Variants in SIPA1 observed in about 807,000 individuals in gnomAD.
SIPA1 encodes signal-induced proliferation-associated protein 1.
Under a neutral mutation model 88.1 loss-of-function variants are expected in SIPA1, and 51 were observed. The observed-to-expected ratio is 0.58, with a 90% confidence interval of 0.46 to 0.73. The LOEUF (loss-of-function observed/expected upper bound fraction) is 0.73. Among genes scored for constraint, SIPA1 ranks in the 30% least tolerant of loss-of-function variants. The pLI, the probability that SIPA1 is intolerant of heterozygous loss-of-function variation, is 0.00. For synonymous variants in SIPA1, 681 were observed against 664.8 expected, an observed-to-expected ratio of 1.02 and a Z score of -0.37; for missense variants, 1,348 against 1,467.6, an observed-to-expected ratio of 0.92 and a Z score of 1.33.
rs765093518 is a variant in SIPA1 at position 65,641,050 on chromosome 11, G to A, written c.129G>A (p.Pro43=). The A allele has an allele frequency of 1.9e-5, 31 of 1,595,936 alleles. No homozygotes were observed. The highest frequency in any genetic ancestry group is 3.4e-4 in the Middle Eastern group (2 of 5,932). ...CGCTGACACCGCACACCTTCGAGCC[G>A]AGGCCAGTCCGGGGCCCACTCCTGC... is the stretch of plus-strand genomic sequence containing the variant. The part of the protein sequence containing the change: ...RPPLTPHTFE[P]RPVRGPLLRS... Residue 43 remains proline, a synonymous_variant, in exon 2 of 16, where the codon CCG becomes CCA. Coordinates refer to ENST00000534313, the MANE Select transcript of SIPA1 (RefSeq NM_006747.4).
rs1455329373 is a variant in SIPA1 at position 65,650,689 on chromosome 11, G to C, written c.3103G>C (p.Gly1035Arg). ...TRLLLASKQL[G>R]SPTADLA ...CCTCCTCCTGGCCTCCAAGCAGCTG[G>C]GCTCACCCACCGCCGACCTGGCCTG... Residue 1035 changes from glycine to arginine, a missense_variant, in exon 16 of 16, where the codon GGC becomes CGC. By Grantham distance (125) the Gly-to-Arg change is moderately radical. Coordinates refer to ENST00000534313, the MANE Select transcript of SIPA1 (RefSeq NM_006747.4). The C allele has an allele frequency of 6.3e-7, 1 of 1,581,114 alleles. No individual in the cohort carries two copies. The highest frequency in any genetic ancestry group is 8.6e-7 in the Non-Finnish European group (1 of 1,163,648).
intron 4 of SIPA1, among the ~76,000 whole-genome samples, chr11:65,643,824 CG>C (rs1394258509): frequency 6.7e-6 from 1 of 148,412 alleles, no homozygotes; most frequent in Non-Finnish European, 1.5e-5. Context: ...TGGGGAGGGG[CG>C]GGGGAGAAGC....
chr11:65,646,689 C>A lies in SIPA1; in HGVS notation c.1655C>A (p.Ala552Asp). 6.5e-7 allele frequency: 1 copy of A among 1,542,230 alleles called. No individual in the cohort carries two copies. Among genetic ancestry groups the A allele is most frequent in the Non-Finnish European group, 8.7e-7 (1 of 1,146,270 alleles). Residue 552 changes from alanine (A) to aspartate (D), a missense_variant, in exon 8 of 16, where the codon GCT (alanine) becomes GAT (aspartate). Coordinates refer to ENST00000534313, the MANE Select transcript of SIPA1 (RefSeq NM_006747.4). This position sits in a 1 kb window ranked among gnomAD's most constrained non-coding sequence, Gnocchi z 7.5. ...NEVTTTSLDS[A>D]SRFGLPSLGG... ...GTGACCACTACGTCGCTGGACTCGG[C>A]TTCACGCTTCGGCCTGCCCTCCCTG...
rs945778996 is a variant in SIPA1 at position 65,646,069 on chromosome 11, C to T, written c.1263+112C>T. On this transcript the variant is annotated intron_variant, in intron 6 of 15. Transcript: ENST00000534313. This position sits in a 1 kb window ranked among gnomAD's most constrained non-coding sequence, Gnocchi z 7.5. ...CTCTGTTGGCCCCAACAGCCCGCCC[C>T]TCTGGTGGCCCCTTCCCAAAGACAG... The T allele has an allele frequency of 1.6e-6, 2 of 1,258,908 alleles. No homozygotes were observed. Among genetic ancestry groups the T allele is most frequent in the Non-Finnish European group, 2.3e-6 (2 of 888,836 alleles). 78.0% of individuals were successfully genotyped at this position (1,258,908 alleles called of 1,614,324 possible). A position where few individuals can be genotyped will look rare whatever the true frequency, so the allele number is the denominator to read the frequency against.
intron 5 of SIPA1, 126 bp downstream of exon 5, chr11:65,645,255 A>C: frequency 1.0e-6 from 1 of 976,468 alleles, no homozygotes; most frequent in Non-Finnish European, 1.5e-6. Context: ...GGGTGAGCTA[A>C]GGATCTGAGT....
Position 65,649,502 on chromosome 11 carries a change from T to C in SIPA1, c.2525+22T>C, listed in dbSNP as rs527400806. ...GCAGGTGCACACTCTTGGCCTTCCC[T>C]CTCCTCCAGGCCTCTGGGAAAGCGG... On this transcript the variant is annotated intron_variant, in intron 10 of 15. Transcript: ENST00000534313. 1.9e-5 allele frequency: 30 copies of C among 1,613,716 alleles called. No individual in the cohort carries two copies. In the Admixed American group the frequency reaches 5.0e-4, roughly 27 times the overall value.
Position 65,645,951 on chromosome 11 carries a change from G to A in SIPA1, c.1257G>A (p.Gln419=), listed in dbSNP as rs148674408. 1.7e-5 allele frequency: 27 copies of A among 1,610,654 alleles called. No individual in the cohort carries two copies. The African/African-American group carries it at 3.1e-4, about 18-fold the overall frequency. The change falls in exon 6 of 16, where the codon CAG becomes CAA. Residue 419 remains glutamine, a synonymous_variant. Coordinates refer to ENST00000534313, the MANE Select transcript of SIPA1 (RefSeq NM_006747.4). Reference sequence around the variant, plus strand: ...TGCTGCCTTACACCCCTAATAACCAGCAGCAGGTGTGAGGGGGACCAACGT... The same window carrying A: ...TGCTGCCTTACACCCCTAATAACCAACAGCAGGTGTGAGGGGGACCAACGT... ...STMLPYTPNN[Q]QQLLRKRHIG...
chr11:65,641,500 C>G lies in SIPA1; in HGVS notation c.579C>G (p.Ala193=). 6.2e-7 allele frequency: 1 copy of G among 1,612,240 alleles called. No individual in the cohort carries two copies. Residue 193 remains alanine (A), a synonymous_variant, in exon 2 of 16, where the codon GCC becomes GCG. Coordinates refer to ENST00000534313, the MANE Select transcript of SIPA1 (RefSeq NM_006747.4). ...TGCCCCCTGCACTGCCCAACGCGGC[C>G]GTGTCCATCCTGGAGGAGCCACAGA... The part of the protein sequence containing the change: ...PPVPPALPNA[A]VSILEEPQNR...
chr11:65,646,425 C>T lies in SIPA1; in HGVS notation c.1422-31C>T, dbSNP rs1314498458. ...GGTCTCCCGTGGGCATGGAGTCCTG[C>T]CGCCCCTCACTAACGCCTCCCTCCC... On this transcript the variant is annotated intron_variant, in intron 7 of 15. Transcript: ENST00000534313. This position sits in a 1 kb window ranked among gnomAD's most constrained non-coding sequence, Gnocchi z 7.5. The T allele has an allele frequency of 3.1e-6, 5 of 1,595,924 alleles. No homozygotes were observed. The Middle Eastern group carries it at 5.0e-4, about 158-fold the overall frequency.
At position 65,646,025 on chromosome 11, in the gene SIPA1, G is replaced by T; in HGVS notation, c.1263+68G>T. 2 of 1,365,902 alleles carry T rather than the reference G, an allele frequency of 1.5e-6. No individual in the cohort carries two copies. Among genetic ancestry groups the T allele is most frequent in the Non-Finnish European group, 2.0e-6 (2 of 977,624 alleles). The allele number at this position is 1,365,902 out of a possible 1,614,324, so 84.6% of individuals were successfully genotyped here. Reference sequence around the variant, plus strand: ...TGGAGGGCCCTGCATGGCCCATGACGTTTGAGCTTTGGCCGGAGCTCTGTT... The same window carrying T: ...TGGAGGGCCCTGCATGGCCCATGACTTTTGAGCTTTGGCCGGAGCTCTGTT... On this transcript the variant is annotated intron_variant, in intron 6 of 15. Coordinates refer to ENST00000534313, the MANE Select transcript of SIPA1 (RefSeq NM_006747.4). The surrounding 1 kb of genome is among the most constrained non-coding windows in gnomAD (Gnocchi z 7.5).
At position 65,649,430 on chromosome 11, in the gene SIPA1, C is replaced by G; in HGVS notation, c.2475C>G (p.Ala825=). 1 of 1,601,856 alleles carries G rather than the reference C, an allele frequency of 6.2e-7. No homozygotes were observed. The highest frequency in any genetic ancestry group is 1.7e-4 in the Middle Eastern group (1 of 6,034). Residue 825 remains alanine (A), a synonymous_variant, in exon 10 of 16, where the codon GCC becomes GCG. Coordinates refer to ENST00000534313, the MANE Select transcript of SIPA1 (RefSeq NM_006747.4). ...GTCCTCCAGGGCCTGGGGATCTGGCCGAGGAGAGGACTGAGTTCCTGCACA... is the reference window on the plus strand; with the variant it reads ...GTCCTCCAGGGCCTGGGGATCTGGCGGAGGAGAGGACTGAGTTCCTGCACA... The part of the protein sequence containing the change: ...GGSPPGPGDL[A]EERTEFLHSQ...
intron 8 of SIPA1, 37 bp downstream of exon 8, chr11:65,647,102 G>T: frequency 6.9e-7 from 1 of 1,457,672 alleles, no homozygotes. Flanking sequence ...CCTGCGCGCG[G>T]CGGGGCGGAG....
rs139438277 is a variant in SIPA1 at position 65,649,396 on chromosome 11, A to G, written c.2441A>G (p.Asp814Gly). The change falls in exon 10 of 16, where the codon GAT (aspartate) becomes GGT (glycine). Residue 814 changes from aspartate (D) to glycine (G), a missense_variant. Coordinates refer to ENST00000534313, the MANE Select transcript of SIPA1 (RefSeq NM_006747.4). ...TKQLLHLCLQ[D>G]GGSPPGPGDL... is the part of the protein sequence containing the mutation. ...CAGCTGCTGCACCTGTGCCTGCAAG[A>G]TGGTGGCAGTCCTCCAGGGCCTGGG... The G allele has an allele frequency of 3.2e-3, 5,145 of 1,583,402 alleles. 16 individuals are homozygous for G. The highest frequency in any genetic ancestry group is 4.5e-3 in the Admixed American group (249 of 55,264).
chr11:65,647,022 G>C lies in SIPA1; in HGVS notation c.1988G>C (p.Gly663Ala), dbSNP rs1419063013. The C allele has an allele frequency of 6.5e-7, 1 of 1,542,086 alleles. No homozygotes were observed. Among genetic ancestry groups the C allele is most frequent in the Non-Finnish European group, 8.7e-7 (1 of 1,150,284 alleles). ...GAGGCGATCACGCTGCGCTTCGACG[G>C]GTCCCCCGGCCAAGCCGTGGGCGAG... ...RGEAITLRFD[G>A]SPGQAVGEVV... The change falls in exon 8 of 16, where the codon GGG (glycine) becomes GCG (alanine). Residue 663 changes from glycine (G) to alanine (A), a missense_variant. By Grantham distance (60) the Gly-to-Ala change is moderately conservative (BLOSUM62 0). This residue lies in a region of SIPA1 where 615 missense variants were observed against 559.8 expected (regional missense o/e 1.10). Coordinates refer to ENST00000534313, the MANE Select transcript of SIPA1 (RefSeq NM_006747.4).
chr11:65,645,927 G>A lies in SIPA1; in HGVS notation c.1233G>A (p.Met411Ile), dbSNP rs1333142430. 1 of 1,613,350 alleles carries A rather than the reference G, an allele frequency of 6.2e-7. No individual in the cohort carries two copies. Among genetic ancestry groups the A allele is most frequent in the Non-Finnish European group, 8.5e-7 (1 of 1,179,584 alleles). The change falls in exon 6 of 16, where the codon ATG becomes ATA. Residue 411 changes from methionine (M) to isoleucine (I), a missense_variant. This residue lies in a region of SIPA1 where 641 missense variants were observed against 797.7 expected (regional missense o/e 0.80). Coordinates refer to ENST00000534313, the MANE Select transcript of SIPA1 (RefSeq NM_006747.4). ...AGATCATGTTCCACGTGTCCACGAT[G>A]CTGCCTTACACCCCTAATAACCAGC... is the stretch of plus-strand genomic sequence containing the variant. ...DHEIMFHVSTMLPYTPNNQQQ... is the reference protein window; with the variant it reads ...DHEIMFHVSTILPYTPNNQQQ...
chr11:65,647,443 C>G lies in SIPA1; in HGVS notation c.2091C>G (p.Arg697=). 1 of 1,482,256 alleles carries G rather than the reference C, an allele frequency of 6.7e-7. No homozygotes were observed. The highest frequency in any genetic ancestry group is 8.9e-7 in the Non-Finnish European group (1 of 1,124,478). 91.8% of individuals were successfully genotyped at this position (1,482,256 alleles called of 1,614,324 possible). Residue 697 remains arginine, a synonymous_variant, in exon 9 of 16, where the codon CGC becomes CGG. Coordinates refer to ENST00000534313, the MANE Select transcript of SIPA1 (RefSeq NM_006747.4). The part of the protein sequence containing the change: ...ELALPRDGQG[R]LGFEVDAEGF... ...CGCTGCCCCGCGACGGTCAAGGCCG[C>G]CTGGGCTTCGAGGTGGACGCCGAGG...
In SIPA1 at chr11:65,650,210, C is replaced by T. The variant is rs376710065; in HGVS notation, c.2903+18C>T. 4.6e-5 allele frequency: 75 copies of T among 1,613,586 alleles called. No homozygotes were observed. In the African/African-American group the frequency reaches 9.2e-4, roughly 20 times the overall value. Reference sequence around the variant, plus strand: ...GATGCTGAGTAAGCTCCCCAACTCCCCACAGCCGCTTTACCTGCCCACATG... The same window carrying T: ...GATGCTGAGTAAGCTCCCCAACTCCTCACAGCCGCTTTACCTGCCCACATG... On this transcript the variant is annotated intron_variant, in intron 14 of 15. Coordinates refer to ENST00000534313, the MANE Select transcript of SIPA1 (RefSeq NM_006747.4).
chr11:65,650,433 C>T lies in SIPA1; in HGVS notation c.2936C>T (p.Ser979Phe), dbSNP rs775504510. ...CCTGGGAACCTCTCAGAGAAGGTCT[C>T]TCACTTGGAGTCCATGCTCAGGAAG... Reference protein sequence around the residue: ...PEPGNLSEKVSHLESMLRKLQ... With the variant: ...PEPGNLSEKVFHLESMLRKLQ... Residue 979 changes from serine to phenylalanine, a missense_variant, in exon 15 of 16, where the codon TCT becomes TTT. Transcript: ENST00000534313. 2 of 1,614,106 alleles carry T rather than the reference C, an allele frequency of 1.2e-6. No homozygotes were observed. The highest frequency in any genetic ancestry group is 8.5e-7 in the Non-Finnish European group (1 of 1,180,002).
rs2135526798 is a variant in SIPA1 at position 65,647,629 on chromosome 11, G to GC, written c.2283dup (p.Asp762ArgfsTer22). On this transcript the variant is annotated frameshift_variant, in exon 9 of 16. Transcript: ENST00000534313. LOFTEE classifies it high-confidence loss of function. ...CGCCCAAGGTCTGCGTCACCGTCCT[G>GC]CCCCCCGACGAGAGCGGCCGGCCCC... The GC allele has an allele frequency of 1.4e-5, 20 of 1,395,904 alleles. No homozygotes were observed. The highest frequency in any genetic ancestry group is 6.5e-5 in the Admixed American group (2 of 30,772). The allele number at this position is 1,395,904 out of a possible 1,614,324, so 86.5% of individuals were successfully genotyped here.
Sources: allele counts gnomAD v4.1 joint callset (sites outside exome capture counted in the v4.1 genomes callset), GRCh38; gene constraint gnomAD v4.1.1; regional missense constraint gnomAD v4.1.1; non-coding constraint Gnocchi (gnomAD v3.1); transcripts MANE v1.5; gene names NCBI Gene and HGNC (gene_info 2026-07-23, HGNC 2026-07-21).